The following ZBTB1 variants were observed in gnomAD, a reference collection of about 807,000 sequenced individuals.
ZBTB1 encodes the protein zinc finger and BTB domain containing 1.
Under a neutral mutation model 51.6 loss-of-function variants are expected in ZBTB1, and 13 were observed. That is an observed-to-expected ratio of 0.25 (90% CI 0.16 to 0.40). ZBTB1 has a LOEUF of 0.40. ZBTB1 is among the 10% of genes least tolerant of loss of function. The pLI is 1.00. For missense variants in ZBTB1, 567 were observed against 856.5 expected (o/e 0.66, Z 4.22); for synonymous variants, 240 against 282.2 (o/e 0.85, Z 1.50).
chr14:64,506,773 T>G (rs921051183), intron 1 of ZBTB1, among the ~76,000 whole-genome samples: 1 of 152,222 alleles, frequency 6.6e-6, no homozygotes, highest in African/African-American at 2.4e-5. Flanking sequence ...TACGATGGCC[T>G]ACTTTTTTGG....
rs1220954529 is a variant in ZBTB1, at chr14:64,517,787, T to A, written c.-18-3700T>A. 2.8e-3 allele frequency among the ~76,000 whole-genome samples: 305 copies of A among 108,782 alleles called. 1 individual carries two copies. Among genetic ancestry groups the A allele is most frequent in the Middle Eastern group, 9.5e-3 (2 of 210 alleles). The allele number at this position is 108,782 out of a possible 152,430, so 71.4% of individuals were successfully genotyped here. A position where few individuals can be genotyped will look rare whatever the true frequency, so the allele number is the denominator to read the frequency against. On this transcript the variant is annotated intron_variant, in intron 1 of 1. Coordinates refer to ENST00000683701, the MANE Select transcript of ZBTB1 (RefSeq NM_001123329.2). ...TATATATATATATATATATATTTTT[T>A]TTTTTTTTTTTTTTTTGAGACAGTC...
At chr14:64,509,979 T>C (rs944420930) in intron 1 of ZBTB1, among the ~76,000 whole-genome samples, 1 of 129,490 alleles carries the variant, frequency 7.7e-6, no homozygotes, top group African/African-American at 2.9e-5. Context: ...TCCGTCTCAA[T>C]TAAAAAAAAA....
At chr14:64,517,781 A>ATATATATATATATATATTT (rs1160337478) in intron 1 of ZBTB1, among the ~76,000 whole-genome samples, 2 of 41,560 alleles carry the variant, frequency 4.8e-5, no homozygotes, top group African/African-American at 8.9e-5. Flanking sequence ...ATATATATAT[A>ATATATATATATATATATTT]TTTTTTTTTT....
chr14:64,518,961 A>G (rs1305867561), intron 1 of ZBTB1, among the ~76,000 whole-genome samples: 1 of 121,004 alleles, frequency 8.3e-6, no homozygotes, highest in East Asian at 2.4e-4. Flanking sequence ...AGGTTAAAAA[A>G]CACAACAAAA....
upstream of ZBTB1, chr14:64,504,691 C>G: frequency 2.8e-6 from 1 of 362,900 alleles, no homozygotes; most frequent in Non-Finnish European, 4.9e-6. Context: ...AACTGGTGGG[C>G]AGACCCGGAG....
Position 64,523,904 on chromosome 14 carries a change from C to T in ZBTB1, c.*258C>T, listed in dbSNP as rs2079882892. ...GATTAAAATTTTTAAATGTAGACTA[C>T]AAGTGGTTGTTACCCATTCAATGAC... is the stretch of plus-strand genomic sequence containing the variant. On this transcript the variant is annotated 3_prime_UTR_variant, in exon 2 of 2. Coordinates refer to ENST00000683701, the MANE Select transcript of ZBTB1 (RefSeq NM_001123329.2). This position sits in a 1 kb window ranked among gnomAD's most constrained non-coding sequence, Gnocchi z 4.5. The T allele has an allele frequency of 6.9e-6, 8 of 1,156,342 alleles. No homozygotes were observed. The highest frequency in any genetic ancestry group is 8.6e-6 in the Non-Finnish European group (8 of 930,884). 71.6% of individuals were successfully genotyped at this position (1,156,342 alleles called of 1,614,324 possible). A position where few individuals can be genotyped will look rare whatever the true frequency, so the allele number is the denominator to read the frequency against.
intron 1 of ZBTB1, among the ~76,000 whole-genome samples, chr14:64,505,384 C>G (rs1428817232): frequency 6.6e-6 from 1 of 152,092 alleles, no homozygotes; most frequent in South Asian, 2.1e-4. Flanking sequence ...CAGACTTGGG[C>G]GCGCTCCGAG....
At chr14:64,505,495 T>A (rs1176462120) in intron 1 of ZBTB1, among the ~76,000 whole-genome samples, 1 of 152,040 alleles carries the variant, frequency 6.6e-6, no homozygotes, top group Non-Finnish European at 1.5e-5. Context: ...AAGGTCTGAG[T>A]TTGGGAATTT....
At chr14:64,518,904 GTA>G (rs71123855) in intron 1 of ZBTB1, among the ~76,000 whole-genome samples, 10,031 of 94,984 alleles carry the variant, frequency 0.11, 606 homozygotes, top group Non-Finnish European at 0.14. Flanking sequence ...TTGCAGAGAG[GTA>G]TATATATATA....
At chr14:64,513,089 G>A (rs983920818) in intron 1 of ZBTB1, among the ~76,000 whole-genome samples, 3 of 152,006 alleles carry the variant, frequency 2.0e-5, no homozygotes, top group Non-Finnish European at 2.9e-5. Flanking sequence ...ATGCTAAAAT[G>A]ATACTTATAT....
intron 1 of ZBTB1, among the ~76,000 whole-genome samples, chr14:64,517,781 A>ATATATATATATATT (rs1160337478): frequency 4.8e-5 from 2 of 41,550 alleles, no homozygotes; most frequent in East Asian, 7.8e-4. Flanking sequence ...ATATATATAT[A>ATATATATATATATT]TTTTTTTTTT....
chr14:64,527,473 TG>T (rs1327542152), downstream of ZBTB1, among the ~76,000 whole-genome samples: 3 of 152,070 alleles, frequency 2.0e-5, no homozygotes, highest in African/African-American at 7.2e-5. Context: ...TAGCCAGGCA[TG>T]TTGGCACAAG....
At position 64,524,243 on chromosome 14, in the gene ZBTB1, G is replaced by A. The variant is rs2079886276; in HGVS notation, c.*597G>A. On this transcript the variant is annotated 3_prime_UTR_variant, in exon 2 of 2. Coordinates refer to ENST00000683701, the MANE Select transcript of ZBTB1 (RefSeq NM_001123329.2). ...GGCCTAAAAAGATTGATGAACCTGA[G>A]GAAATTTTTATAAATGAATATTTCC... is the stretch of plus-strand genomic sequence containing the variant. 5.8e-5 allele frequency: 57 copies of A among 980,680 alleles called. No homozygotes were observed. Among genetic ancestry groups the A allele is most frequent in the Non-Finnish European group, 6.8e-5 (56 of 826,380 alleles). 60.7% of individuals were successfully genotyped at this position (980,680 alleles called of 1,614,324 possible). A position where few individuals can be genotyped will look rare whatever the true frequency, so the allele number is the denominator to read the frequency against.
Position 64,504,994 on chromosome 14 carries a change from C to G in ZBTB1, c.-19+48C>G, listed in dbSNP as rs566414287. The G allele has an allele frequency of 2.8e-4, 109 of 391,596 alleles. 1 individual carries two copies. Among genetic ancestry groups the G allele is most frequent in the African/African-American group, 2.2e-3 (105 of 48,334 alleles). The allele number at this position is 391,596 out of a possible 1,614,324, so 24.3% of individuals were successfully genotyped here. A position where few individuals can be genotyped will look rare whatever the true frequency, so the allele number is the denominator to read the frequency against. ...GCTATTTGCGCAACTTTGGCCCAGG[C>G]CGGAGGGCGACGGGCCGCGGGCCTG... On this transcript the variant is annotated intron_variant, in intron 1 of 1. Transcript: ENST00000683701.
chr14:64,514,466 G>A (rs1343351612), intron 1 of ZBTB1: 4 of 152,130 alleles, frequency 2.6e-5, no homozygotes, highest in Non-Finnish European at 5.9e-5. Flanking sequence ...CATTGGATAT[G>A]CTTATTTATA....
chr14:64,522,051 G>A lies in ZBTB1; in HGVS notation c.547G>A (p.Gly183Ser). ...GGCTGATGAAGAGTCTTTACAATTA[G>A]GTAATTTTCCTGAGCCACTATTTGA... Reference protein sequence around the residue: ...READEESLQLGNFPEPLFDVC... With the variant: ...READEESLQLSNFPEPLFDVC... Residue 183 changes from glycine to serine, a missense_variant, in exon 2 of 2, where the codon GGT becomes AGT. Physicochemically the swap from Gly to Ser is moderately conservative, Grantham distance 56. Transcript: ENST00000683701. The A allele has an allele frequency of 6.2e-7, 1 of 1,614,128 alleles. No individual in the cohort carries two copies. Among genetic ancestry groups the A allele is most frequent in the Non-Finnish European group, 8.5e-7 (1 of 1,180,028 alleles).
chr14:64,506,663 G>C (rs2079662423), intron 1 of ZBTB1, among the ~76,000 whole-genome samples: 1 of 152,208 alleles, frequency 6.6e-6, no homozygotes, highest in Admixed American at 6.5e-5. Context: ...TTCGTTTTAT[G>C]AGCAAGCAGG....
At chr14:64,528,266 T>A (rs1156541957), downstream of ZBTB1, among the ~76,000 whole-genome samples, 2 of 151,964 alleles carry the variant, frequency 1.3e-5, no homozygotes, top group African/African-American at 4.8e-5. Flanking sequence ...GCACACATGG[T>A]TAAGAATAAA....
downstream of ZBTB1, among the ~76,000 whole-genome samples, chr14:64,525,396 T>TGAA: frequency 6.6e-6 from 1 of 152,208 alleles, no homozygotes; most frequent in Non-Finnish European, 1.5e-5. Flanking sequence ...ATCAAGTAAT[T>TGAA]AAATTTGAAA....
Sources: gnomAD v4.1 joint callset for allele counts (sites outside exome capture counted in the v4.1 genomes callset) on GRCh38, gnomAD v4.1.1 for gene constraint, Gnocchi (gnomAD v3.1) non-coding constraint, MANE v1.5 for transcripts, NCBI Gene and HGNC (gene_info 2026-07-23, HGNC 2026-07-21) for gene names.